The following TBC1D21 variants were observed in gnomAD, a reference collection of about 807,000 sequenced individuals.
The protein encoded by TBC1D21 is male germ cell Rab GTPase-activating protein.
TBC1D21 carries 38 observed loss-of-function variants against 46.0 expected under a neutral mutation model. That is an observed-to-expected ratio of 0.83 (90% CI 0.64 to 1.08). The LOEUF is 1.08. Ranked by LOEUF, TBC1D21 falls within the 50% of genes least tolerant of loss-of-function variation. The probability of loss-of-function intolerance (pLI) is 0.00; values close to 1 mark genes in which losing one functional copy is unlikely to be tolerated. For synonymous variants in TBC1D21, 151 were observed against 157.2 expected (o/e 0.96, Z 0.29); for missense variants, 415 against 417.9 (o/e 0.99, Z 0.06).
In TBC1D21 at chr15:73,882,518, T is replaced by C. The variant is rs115650930; in HGVS notation, c.272+771T>C. Among the ~76,000 whole-genome samples the C allele has an allele frequency of 3.5e-3, 539 of 152,228 alleles. 2 individuals are homozygous for C. Among genetic ancestry groups the C allele is most frequent in the African/African-American group, 0.012 (500 of 41,536 alleles). ...CAAGGCCCAGATCCCACAGTATACC[T>C]ACTCCAAGCAGCCCTCCCAGATCTC... is the stretch of plus-strand genomic sequence containing the variant. On this transcript the variant is annotated intron_variant, in intron 3 of 10. Transcript: ENST00000300504.
intron 9 of TBC1D21, 137 bp from the exon 10 acceptor site, chr15:73,888,293 G>A: frequency 1.5e-6 from 1 of 670,762 alleles, no homozygotes; most frequent in Non-Finnish European, 2.6e-6. Context: ...AGGCTGGGGA[G>A]AGGTCAGGTG....
chr15:73,884,956 A>C (rs1223513814), intron 5 of TBC1D21, 47 bp from the exon 6 acceptor site: 23 of 1,604,462 alleles, frequency 1.4e-5, no homozygotes, highest in Non-Finnish European at 2.0e-5. Flanking sequence ...CCAAGGGTCC[A>C]GGCTCTCCCA....
chr15:73,907,892 G>A, the TBC1D21 span, among the ~76,000 whole-genome samples: 3 of 152,206 alleles, frequency 2.0e-5, no homozygotes, highest in East Asian at 5.8e-4. Context: ...CTGCTAGTAC[G>A]GTCAACCAGG....
chr15:73,898,355 C>T, the TBC1D21 span, among the ~76,000 whole-genome samples: 1 of 152,228 alleles, frequency 6.6e-6, no homozygotes, highest in African/African-American at 2.4e-5. Flanking sequence ...TTTCCTCAAC[C>T]TGATTCCTAA....
the TBC1D21 span, among the ~76,000 whole-genome samples, chr15:73,896,989 G>A: frequency 6.6e-6 from 1 of 152,194 alleles, no homozygotes; most frequent in African/African-American, 2.4e-5. Flanking sequence ...TAACTGGGCT[G>A]GGGAGATATT....
chr15:73,887,692 G>A lies in TBC1D21; in HGVS notation c.850G>A (p.Glu284Lys). The A allele has an allele frequency of 6.2e-7, 1 of 1,613,988 alleles. No homozygotes were observed. The highest frequency in any genetic ancestry group is 8.5e-7 in the Non-Finnish European group (1 of 1,179,942). ...VAYSMLQMVR[E>K]QVLQESMGGD... ...CTACAGCATGCTGCAGATGGTGCGG[G>A]AGCAGGTGCTGCAGGAAAGCATGGG... The change falls in exon 9 of 11, where the codon GAG becomes AAG. Residue 284 changes from glutamate (E) to lysine (K), a missense_variant. By Grantham distance (56) the Glu-to-Lys change is moderately conservative. Transcript: ENST00000300504.
chr15:73,895,245 T>A, the TBC1D21 span, among the ~76,000 whole-genome samples: 1 of 151,936 alleles, frequency 6.6e-6, no homozygotes, highest in Non-Finnish European at 1.5e-5. Context: ...GACTCCTTCC[T>A]TCCACTTAGA....
chr15:73,882,859 C>T (rs1323134830), intron 3 of TBC1D21, among the ~76,000 whole-genome samples: 3 of 152,250 alleles, frequency 2.0e-5, no homozygotes, highest in African/African-American at 7.2e-5. Flanking sequence ...CCTTGACTTG[C>T]ACTTCCATGA....
chr15:73,898,086 G>A, the TBC1D21 span, among the ~76,000 whole-genome samples: 2 of 152,210 alleles, frequency 1.3e-5, no homozygotes, highest in African/African-American at 4.8e-5. Context: ...CTCCCCGAAT[G>A]GTAATGAGGG....
At chr15:73,902,602 C>A in the TBC1D21 span, among the ~76,000 whole-genome samples, 5 of 152,208 alleles carry the variant, frequency 3.3e-5, no homozygotes, top group Admixed American at 1.3e-4. Context: ...CTGGTGCCCA[C>A]CCCACAGCCC....
downstream of TBC1D21, among the ~76,000 whole-genome samples, chr15:73,893,826 C>T (rs1595830567): frequency 6.6e-6 from 1 of 152,310 alleles, no homozygotes; most frequent in Admixed American, 6.5e-5. Context: ...GGAAGGGCCT[C>T]CACTGCCCAG....
At chr15:73,894,852 C>T in the TBC1D21 span, among the ~76,000 whole-genome samples, 2 of 152,244 alleles carry the variant, frequency 1.3e-5, no homozygotes, top group South Asian at 4.1e-4. Flanking sequence ...CCATCAGCCA[C>T]ACTGCTCAAG....
chr15:73,881,601 C>G lies in TBC1D21; in HGVS notation c.169-43C>G. ...CGTTGGATGAAGCCCTTTTGGTAGG[C>G]ATCGATAGAGCCCATGACCTCCACC... On this transcript the variant is annotated intron_variant, in intron 2 of 10. Coordinates refer to ENST00000300504, the MANE Select transcript of TBC1D21 (RefSeq NM_153356.3). The G allele has an allele frequency of 1.9e-6, 3 of 1,601,696 alleles. No homozygotes were observed. In the South Asian group the frequency reaches 3.3e-5, roughly 18 times the overall value.
chr15:73,898,540 CAATATATTCAT>C, the TBC1D21 span, among the ~76,000 whole-genome samples: 2 of 152,066 alleles, frequency 1.3e-5, no homozygotes, highest in Admixed American at 6.5e-5. Context: ...GTGTTTAGCC[CAATATATTCAT>C]AATATATTCA....
In TBC1D21 at chr15:73,873,754, A is replaced by T. The variant is rs199871287; in HGVS notation, c.45A>T (p.Ser15=). Reference sequence around the variant, plus strand: ...AAAACAGCCTCTCTGCCAGACAGTCAGCCTCCTTCATCCTGGTGCGTGTTC... The same window carrying T: ...AAAACAGCCTCTCTGCCAGACAGTCTGCCTCCTTCATCCTGGTGCGTGTTC... The part of the protein sequence containing the change: ...SPENSLSARQ[S]ASFILVKRKP... The change falls in exon 1 of 11, where the codon TCA becomes TCT. Residue 15 remains serine (S), a synonymous_variant. Transcript: ENST00000300504. The T allele has an allele frequency of 6.2e-7, 1 of 1,610,564 alleles. No individual in the cohort carries two copies. The highest frequency in any genetic ancestry group is 2.2e-5 in the East Asian group (1 of 44,836).
chr15:73,893,121 CTG>C (rs2068350604), downstream of TBC1D21, among the ~76,000 whole-genome samples: 1 of 152,088 alleles, frequency 6.6e-6, no homozygotes, highest in African/African-American at 2.4e-5. Flanking sequence ...CAAAAACTGA[CTG>C]TCTCTAATGG....
Position 73,885,112 on chromosome 15 carries a change from A to G in TBC1D21, c.579+9A>G, listed in dbSNP as rs1445793168. On this transcript the variant is annotated intron_variant, in intron 6 of 10. Coordinates refer to ENST00000300504, the MANE Select transcript of TBC1D21 (RefSeq NM_153356.3). ...TCTTCCTGCAGAAAACGGTGAGGGC[A>G]AGGCCTGAGCTCAGGGACGCCCCTC... is the stretch of plus-strand genomic sequence containing the variant. 1 of 1,609,834 alleles carries G rather than the reference A, an allele frequency of 6.2e-7. No individual in the cohort carries two copies. The highest frequency in any genetic ancestry group is 8.5e-7 in the Non-Finnish European group (1 of 1,179,328).
chr15:73,902,648 C>T, the TBC1D21 span, among the ~76,000 whole-genome samples: 27 of 152,226 alleles, frequency 1.8e-4, no homozygotes, highest in African/African-American at 6.3e-4. Context: ...CTGCCTCTCC[C>T]CTCGACTGTG....
chr15:73,906,598 C>G, the TBC1D21 span, among the ~76,000 whole-genome samples: 1 of 152,170 alleles, frequency 6.6e-6, no homozygotes, highest in Non-Finnish European at 1.5e-5. Flanking sequence ...TCTTGCCTCT[C>G]TCTTCCTCTG....
Sources: allele counts gnomAD v4.1 joint callset (sites outside exome capture counted in the v4.1 genomes callset), GRCh38; gene constraint gnomAD v4.1.1; transcripts MANE v1.5; gene names NCBI Gene and HGNC (gene_info 2026-07-23, HGNC 2026-07-21).